The following TBC1D8 variants were observed in gnomAD, a reference collection of about 807,000 sequenced individuals.
TBC1D8 encodes TBC1 domain family member 8, also known as BUB2-like protein 1.
Under a neutral mutation model 118.8 loss-of-function variants are expected in TBC1D8, and 65 were observed. The observed-to-expected ratio is 0.55, with a 90% CI of 0.45 to 0.67. TBC1D8 has a LOEUF of 0.67. TBC1D8 is among the 30% of genes least tolerant of loss of function. TBC1D8 has a pLI of 0.00. For synonymous variants in TBC1D8, 566 were observed against 595.8 expected, an observed-to-expected ratio of 0.95 and a Z score of 0.73; for missense variants, 1,376 against 1,471.2, an observed-to-expected ratio of 0.94 and a Z score of 1.06.
Position 101,011,006 on chromosome 2 carries a change from T to G in TBC1D8, c.2938A>C (p.Lys980Gln), listed in dbSNP as rs1141419. 8.1e-6 allele frequency: 13 copies of G among 1,612,756 alleles called. No individual in the cohort carries two copies. In the African/African-American group the frequency reaches 1.5e-4, roughly 18 times the overall value. ...TCCTTAATCATCTGCTTCAGCTGTTTCTGATAATCAACTGCATCACCTTGA... is the reference window on the plus strand; with the variant it reads ...TCCTTAATCATCTGCTTCAGCTGTTGCTGATAATCAACTGCATCACCTTGA... ...KPNGDAVDYQ[K>Q]QLKQMIKDLA... is the part of the protein sequence containing the mutation. The change falls in exon 19 of 20, where the codon AAA (lysine) becomes CAA (glutamine). Residue 980 changes from lysine to glutamine, a missense_variant. Lys to Gln is a moderately conservative substitution (Grantham distance 53). Coordinates refer to ENST00000409318, the MANE Select transcript of TBC1D8 (RefSeq NM_001330348.2).
chr2:101,059,857 T>C (rs1188134863), intron 2 of TBC1D8, among the ~76,000 whole-genome samples: 1 of 152,066 alleles, frequency 6.6e-6, no homozygotes, highest in East Asian at 1.9e-4. Flanking sequence ...GAGAATGGCA[T>C]GAACCCAGGA....
chr2:101,009,579 T>C (rs1679034162), intron 19 of TBC1D8, among the ~76,000 whole-genome samples: 1 of 152,138 alleles, frequency 6.6e-6, no homozygotes, highest in South Asian at 2.1e-4. Flanking sequence ...TTAATACTGA[T>C]AGCTCTGAGT....
At position 101,029,573 on chromosome 2, in the gene TBC1D8, G is replaced by A; in HGVS notation, c.2140C>T (p.Leu714=). The A allele has an allele frequency of 6.2e-7, 1 of 1,613,978 alleles. No individual in the cohort carries two copies. The highest frequency in any genetic ancestry group is 8.5e-7 in the Non-Finnish European group (1 of 1,179,886). The change falls in exon 12 of 20, where the codon CTG becomes TTG. Residue 714 remains leucine, a synonymous_variant. Transcript: ENST00000409318. ...TTGGCCTCAAGCACAGCCAGTCCCA[G>A]CTGGAAGATGGCTTTGATGCCATCA... ...FYDGIKAIFQ[L]GLAVLEANAE... is the part of the protein sequence containing the mutation.
intron 17 of TBC1D8, among the ~76,000 whole-genome samples, chr2:101,014,794 A>G (rs1679491198): frequency 6.6e-6 from 1 of 152,184 alleles, no homozygotes; most frequent in South Asian, 2.1e-4. Flanking sequence ...GAAAAGCCTG[A>G]CCAAAAAGTG....
chr2:101,027,523 C>T, intron 14 of TBC1D8, 72 bp from the exon 15 acceptor site: 1 of 1,391,900 alleles, frequency 7.2e-7, no homozygotes, highest in Non-Finnish European at 1.0e-6. Context: ...CAAGAGGGGA[C>T]TCTTCCTCCT....
At chr2:101,038,776 C>T in intron 6 of TBC1D8, 121 bp from the exon 7 acceptor site, 2 of 1,153,100 alleles carry the variant, frequency 1.7e-6, no homozygotes, top group Non-Finnish European at 2.5e-6. Context: ...GGAGATGATG[C>T]AATGGCGAGA....
rs187476631 is a variant in TBC1D8 at position 101,012,659 on chromosome 2, A to C, written c.2828-1119T>G. ...AAAAACCCATTGAATTGTACGCTTT[A>C]AACGGGTGACTTGCATGGTGCGTGA... On this transcript the variant is annotated intron_variant, in intron 17 of 19. Transcript: ENST00000409318. Among the ~76,000 whole-genome samples, 38 of 152,338 alleles carry C rather than the reference A, an allele frequency of 2.5e-4. 1 individual carries two copies. In the East Asian group the frequency reaches 5.8e-3, roughly 23 times the overall value.
At chr2:101,033,438 G>A (rs755876324) in intron 10 of TBC1D8, 106 bp downstream of exon 10, 26 of 1,390,406 alleles carry the variant, frequency 1.9e-5, no homozygotes, top group African/African-American at 5.7e-5. Flanking sequence ...GCCTTCACAC[G>A]ACAACACTCA....
Position 101,036,054 on chromosome 2 carries a change from C to T in TBC1D8, c.1567G>A (p.Glu523Lys), listed in dbSNP as rs758772397. 1 of 1,613,934 alleles carries T rather than the reference C, an allele frequency of 6.2e-7. No individual in the cohort carries two copies. Among genetic ancestry groups the T allele is most frequent in the African/African-American group, 1.3e-5 (1 of 74,934 alleles). Residue 523 changes from glutamate (E) to lysine (K), a missense_variant, in exon 9 of 20, where the codon GAA (glutamate) becomes AAA (lysine). By Grantham distance (56) the Glu-to-Lys change is moderately conservative (BLOSUM62 1). Coordinates refer to ENST00000409318, the MANE Select transcript of TBC1D8 (RefSeq NM_001330348.2). ...AGCCAGAGTCTCCCTCGCAAAGATT[C>T]AGGGATGCCCATGGCTACGAGCTTC... ...IRKLVAMGIP[E>K]SLRGRLWLLF... is the part of the protein sequence containing the mutation.
At chr2:101,040,080 G>A (rs576605387) in intron 6 of TBC1D8, 98 bp downstream of exon 6, 37 of 1,396,248 alleles carry the variant, frequency 2.6e-5, no homozygotes, top group Admixed American at 7.8e-5. Flanking sequence ...AAACTGTGCC[G>A]TCTGAACTTC....
chr2:101,019,165 G>GCCA, intron 17 of TBC1D8: 5 of 1,343,552 alleles, frequency 3.7e-6, no homozygotes, highest in Non-Finnish European at 5.1e-6. Flanking sequence ...CTGGCAGAGG[G>GCCA]CCAGGCCTGT....
chr2:101,111,692 G>A (rs1314743936), intron 1 of TBC1D8, among the ~76,000 whole-genome samples: 5 of 152,154 alleles, frequency 3.3e-5, no homozygotes, highest in Non-Finnish European at 7.3e-5. Flanking sequence ...TGGACTGACT[G>A]TCTGATTCAC....
At chr2:101,081,767 G>A (rs577958378) in intron 2 of TBC1D8, among the ~76,000 whole-genome samples, 4 of 152,332 alleles carry the variant, frequency 2.6e-5, no homozygotes, top group Admixed American at 2.6e-4. Flanking sequence ...AAGTCCTGCA[G>A]TTCTTGCCTG....
At chr2:101,129,904 CAA>C (rs762607316) in intron 1 of TBC1D8, among the ~76,000 whole-genome samples, 6 of 124,052 alleles carry the variant, frequency 4.8e-5, no homozygotes, top group Non-Finnish European at 6.9e-5. Flanking sequence ...GACTCTGTCT[CAA>C]AAAAAAAAAA....
intron 17 of TBC1D8, among the ~76,000 whole-genome samples, chr2:101,013,921 C>G (rs1679423601): frequency 6.6e-6 from 1 of 152,230 alleles, no homozygotes; most frequent in African/African-American, 2.4e-5. Flanking sequence ...TGGTTGGAAA[C>G]AGCAATCAAA....
chr2:101,094,472 C>T (rs1448610779), intron 1 of TBC1D8, among the ~76,000 whole-genome samples: 2 of 152,172 alleles, frequency 1.3e-5, no homozygotes, highest in Admixed American at 6.5e-5. Context: ...TCCCACACCC[C>T]CACATGCTTG....
intron 15 of TBC1D8, among the ~76,000 whole-genome samples, chr2:101,026,621 G>GCA (rs1284455665): frequency 6.6e-6 from 1 of 152,132 alleles, no homozygotes; most frequent in East Asian, 1.9e-4. Flanking sequence ...ACGAGCTGGG[G>GCA]CAGCCACACC....
At chr2:101,139,430 C>A (rs1260819265) in intron 1 of TBC1D8, among the ~76,000 whole-genome samples, 1 of 152,212 alleles carries the variant, frequency 6.6e-6, no homozygotes, top group African/African-American at 2.4e-5. Flanking sequence ...CACGCCACAT[C>A]TGCCTGCATC....
At chr2:101,093,157 T>A (rs773422829) in intron 1 of TBC1D8, among the ~76,000 whole-genome samples, 1 of 152,212 alleles carries the variant, frequency 6.6e-6, no homozygotes, top group Non-Finnish European at 1.5e-5. Context: ...AAGAACACAG[T>A]ATATAATACA....
Sources: gnomAD v4.1 joint callset for allele counts (sites outside exome capture counted in the v4.1 genomes callset) on GRCh38, gnomAD v4.1.1 for gene constraint, MANE v1.5 for transcripts, NCBI Gene and HGNC (gene_info 2026-07-23, HGNC 2026-07-21) for gene names.